BTBD7: variants seen among roughly 807,000 people sequenced by gnomAD.
BTBD7 encodes BTB domain containing 7.
A neutral mutation model predicts 99.9 loss-of-function variants in BTBD7; 38 were observed. The ratio of observed to expected loss-of-function variants is 0.38; its 90% CI spans 0.29 to 0.50. The LOEUF (loss-of-function observed/expected upper bound fraction) is 0.50, where lower values mean the gene tolerates loss of function less well. Ranked by LOEUF, BTBD7 falls within the 20% of genes least tolerant of loss-of-function variation. BTBD7 has a pLI of 0.93. For missense variants in BTBD7, 1,170 were observed against 1,394.6 expected (o/e 0.84, Z 2.57); for synonymous variants, 520 against 511.4 (o/e 1.02, Z -0.23).
chr14:93,259,347 C>CA (rs1160421874), intron 5 of BTBD7, among the ~76,000 whole-genome samples: 3 of 152,168 alleles, frequency 2.0e-5, no homozygotes, highest in African/African-American at 7.2e-5. Context: ...GAACACTAGA[C>CA]AGCACTTCAG....
chr14:93,282,409 TACA>T, intron 3 of BTBD7, among the ~76,000 whole-genome samples: 1 of 151,468 alleles, frequency 6.6e-6, no homozygotes, highest in Non-Finnish European at 1.5e-5. Flanking sequence ...CTCAGCTCAC[TACA>T]ACTTCTGCCT....
intron 1 of BTBD7, among the ~76,000 whole-genome samples, chr14:93,309,729 G>A (rs552477290): frequency 3.9e-5 from 6 of 152,168 alleles, no homozygotes; most frequent in Non-Finnish European, 7.4e-5. Flanking sequence ...TTTCTTGATT[G>A]TGATTAATAC....
At chr14:93,288,361 T>G (rs2052805995) in intron 3 of BTBD7, 7 of 612,186 alleles carry the variant, frequency 1.1e-5, no homozygotes, top group Non-Finnish European at 2.0e-5. Context: ...ACTTTCTAGA[T>G]TTCCTCAACT....
At chr14:93,287,756 T>G (rs1442361015) in intron 3 of BTBD7, 4 of 152,272 alleles carry the variant, frequency 2.6e-5, no homozygotes, top group Non-Finnish European at 5.9e-5. Context: ...ACCTACTGTG[T>G]GGCTGATGCG....
At chr14:93,247,687 A>C (rs1428827038) in intron 9 of BTBD7, among the ~76,000 whole-genome samples, 1 of 152,200 alleles carries the variant, frequency 6.6e-6, no homozygotes, top group East Asian at 1.9e-4. Context: ...AGGGGTTTGG[A>C]GTTTGTAGCA....
intron 1 of BTBD7, among the ~76,000 whole-genome samples, chr14:93,307,257 T>C (rs911776400): frequency 2.0e-5 from 3 of 152,150 alleles, no homozygotes; most frequent in Non-Finnish European, 4.4e-5. Context: ...GCTCAAGCAA[T>C]CCTCCAAGCC....
chr14:93,317,409 C>A (rs981688552), intron 1 of BTBD7, among the ~76,000 whole-genome samples: 2 of 150,902 alleles, frequency 1.3e-5, no homozygotes, highest in African/African-American at 4.9e-5. Flanking sequence ...GTCGCCCAGG[C>A]TGGAGTGCAG....
chr14:93,293,945 C>A lies in BTBD7; in HGVS notation c.1075G>T (p.Ala359Ser), dbSNP rs61747488. ...GCCCTGGTCATGTTTGGCTTCCCTGCGACGAGAGCCTGAACTTCACTGAGA... is the reference window on the plus strand; with the variant it reads ...GCCCTGGTCATGTTTGGCTTCCCTGAGACGAGAGCCTGAACTTCACTGAGA... ...GSLSEVQALV[A>S]GKPNMTRAEE... Residue 359 changes from alanine (A) to serine (S), a missense_variant, in exon 3 of 11, where the codon GCA (alanine) becomes TCA (serine). Ala to Ser is a moderately conservative substitution (Grantham distance 99). Transcript: ENST00000334746. 7 of 1,613,654 alleles carry A rather than the reference C, an allele frequency of 4.3e-6. No homozygotes were observed. Among genetic ancestry groups the A allele is most frequent in the South Asian group, 1.1e-5 (1 of 91,066 alleles).
intron 8 of BTBD7, among the ~76,000 whole-genome samples, chr14:93,249,080 G>A (rs987374289): frequency 1.3e-5 from 2 of 151,930 alleles, no homozygotes; most frequent in African/African-American, 4.8e-5. Flanking sequence ...AAAGTTTCTG[G>A]CTTAGTGATA....
chr14:93,331,774 G>C (rs965997508), intron 1 of BTBD7, among the ~76,000 whole-genome samples: 1 of 152,070 alleles, frequency 6.6e-6, no homozygotes, highest in African/African-American at 2.4e-5. Flanking sequence ...CCAGCTACTT[G>C]GGAGGCTGAG....
intron 1 of BTBD7, among the ~76,000 whole-genome samples, chr14:93,317,946 A>C (rs6575317): frequency 0.61 from 92,959 of 152,102 alleles, 30,689 homozygotes; most frequent in African/African-American, 0.88. Flanking sequence ...CAAGGATTGT[A>C]ACAAGTCAAT....
rs1463062313 is a variant in BTBD7 at position 93,332,918 on chromosome 14, C to T, written c.-205G>A. 2.5e-6 allele frequency: 3 copies of T among 1,224,176 alleles called. No individual in the cohort carries two copies. Among genetic ancestry groups the T allele is most frequent in the Admixed American group, 3.2e-5 (1 of 31,148 alleles). 75.8% of individuals were successfully genotyped at this position (1,224,176 alleles called of 1,614,324 possible). A position where few individuals can be genotyped will look rare whatever the true frequency, so the allele number is the denominator to read the frequency against. ...ACCGCCGTCCGCACCGGCGCCAGCA[C>T]CCCCGGCCATCCTCCTCCCACCGCC... is the stretch of plus-strand genomic sequence containing the variant. On this transcript the variant is annotated 5_prime_UTR_variant, in exon 1 of 11. In the 5' UTR this introduces an upstream ATG that the reference lacks. Transcript: ENST00000334746.
At chr14:93,329,915 G>A (rs998311670) in intron 1 of BTBD7, among the ~76,000 whole-genome samples, 2 of 152,206 alleles carry the variant, frequency 1.3e-5, no homozygotes, top group Non-Finnish European at 1.5e-5. Context: ...ATGTACTTAT[G>A]CCACAGAACT....
chr14:93,253,369 GTAACAATTTGCAAGGCAGT>G (rs2052390003), intron 7 of BTBD7, among the ~76,000 whole-genome samples: 1 of 152,082 alleles, frequency 6.6e-6, no homozygotes, highest in Non-Finnish European at 1.5e-5. Context: ...TCAGTAAGTG[GTAACAATTTGCAAGGCAGT>G]TAACAATTTG....
At chr14:93,271,058 A>C (rs2052595630) in intron 3 of BTBD7, among the ~76,000 whole-genome samples, 1 of 152,234 alleles carries the variant, frequency 6.6e-6, no homozygotes, top group East Asian at 1.9e-4. Context: ...AGAGCTAACA[A>C]ATCAATCTGA....
At chr14:93,267,191 A>G (rs1335461422) in intron 3 of BTBD7, among the ~76,000 whole-genome samples, 2 of 152,240 alleles carry the variant, frequency 1.3e-5, no homozygotes, top group African/African-American at 2.4e-5. Context: ...GAAGAAAAAG[A>G]ATGAAAGATA....
rs2053472826 is a variant in BTBD7 at position 93,332,938 on chromosome 14, A to C, written c.-225T>G. On this transcript the variant is annotated 5_prime_UTR_variant, in exon 1 of 11. Transcript: ENST00000334746. ...CAGCACCCCCGGCCATCCTCCTCCCACCGCCGCCGCCGCCGCCCTCTCCTC... is the reference window on the plus strand; with the variant it reads ...CAGCACCCCCGGCCATCCTCCTCCCCCCGCCGCCGCCGCCGCCCTCTCCTC... 1.8e-5 allele frequency: 13 copies of C among 726,712 alleles called. No homozygotes were observed. The highest frequency in any genetic ancestry group is 2.7e-5 in the Non-Finnish European group (13 of 484,576). 45.0% of individuals were successfully genotyped at this position (726,712 alleles called of 1,614,324 possible). A position where few individuals can be genotyped will look rare whatever the true frequency, so the allele number is the denominator to read the frequency against.
chr14:93,246,430 G>A lies in BTBD7; in HGVS notation c.2122-144C>T. On this transcript the variant is annotated intron_variant, in intron 9 of 10. Coordinates refer to ENST00000334746, the MANE Select transcript of BTBD7 (RefSeq NM_001002860.4). ...AAGCATAATATATTTTTCTAGGCCAGAAGCCCAAGAAAAAAATCACCTTAG... is the reference window on the plus strand; with the variant it reads ...AAGCATAATATATTTTTCTAGGCCAAAAGCCCAAGAAAAAAATCACCTTAG... 3 of 970,640 alleles carry A rather than the reference G, an allele frequency of 3.1e-6. No individual in the cohort carries two copies. The South Asian group carries it at 6.8e-5, about 22-fold the overall frequency. 60.1% of individuals were successfully genotyped at this position (970,640 alleles called of 1,614,324 possible). A position where few individuals can be genotyped will look rare whatever the true frequency, so the allele number is the denominator to read the frequency against.
intron 7 of BTBD7, 105 bp downstream of exon 7, chr14:93,253,542 G>A: frequency 9.5e-7 from 1 of 1,057,688 alleles, no homozygotes; most frequent in Non-Finnish European, 1.3e-6. Flanking sequence ...CCCTATTGTT[G>A]AAAATATAGG....
Sources: allele counts gnomAD v4.1 joint callset (sites outside exome capture counted in the v4.1 genomes callset), GRCh38; gene constraint gnomAD v4.1.1; transcripts MANE v1.5; gene names NCBI Gene and HGNC (gene_info 2026-07-23, HGNC 2026-07-21).